Variants in SIL1 observed in about 807,000 individuals in gnomAD.
SIL1 encodes SIL1 nucleotide exchange factor.
In SIL1, 40 loss-of-function variants were observed where a neutral mutation model predicts 49.1. The ratio of observed to expected loss-of-function variants is 0.81; its 90% CI spans 0.63 to 1.06. The LOEUF (loss-of-function observed/expected upper bound fraction) is 1.06, where lower values mean the gene tolerates loss of function less well. Among genes scored for constraint, SIL1 ranks in the 50% least tolerant of loss-of-function variants. The probability of loss-of-function intolerance (pLI) is 0.00; values close to 1 mark genes in which losing one functional copy is unlikely to be tolerated. For missense variants in SIL1, 500 were observed against 572.6 expected (o/e 0.87, Z 1.29); for synonymous variants, 253 against 250.8 (o/e 1.01, Z -0.08).
chr5:139,115,935 G>A (rs1474255237), intron 3 of SIL1, among the ~76,000 whole-genome samples: 1 of 152,170 alleles, frequency 6.6e-6, no homozygotes, highest in Non-Finnish European at 1.5e-5. Flanking sequence ...TTTAACTTGA[G>A]GGATCTGAGA....
chr5:139,157,349 A>G (rs1751426051), intron 1 of SIL1, among the ~76,000 whole-genome samples: 1 of 152,002 alleles, frequency 6.6e-6, no homozygotes, highest in South Asian at 2.1e-4. Flanking sequence ...TCCCACAGAG[A>G]CATGTTTGGA....
At chr5:139,053,904 T>A (rs1390255067) in intron 3 of SIL1, among the ~76,000 whole-genome samples, 3 of 152,258 alleles carry the variant, frequency 2.0e-5, no homozygotes, top group African/African-American at 7.2e-5. Context: ...TTAGTTTTTT[T>A]ATTTATGTAG....
intron 2 of SIL1, 33 bp from the exon 3 acceptor site, chr5:139,121,206 G>A (rs1454687991): frequency 5.0e-6 from 8 of 1,613,578 alleles, no homozygotes; most frequent in Non-Finnish European, 6.8e-6. Context: ...ATGACCCACT[G>A]CAACTAGGCG....
At chr5:139,020,583 G>A (rs752146271) in intron 7 of SIL1, among the ~76,000 whole-genome samples, 6 of 152,194 alleles carry the variant, frequency 3.9e-5, no homozygotes, top group Non-Finnish European at 8.8e-5. Context: ...CTTTGCAGGT[G>A]GTGTAGAATG....
At chr5:138,949,798 C>CAAAAAAAAAAAAAAAAAAAAAAAAA (rs5871689) in intron 9 of SIL1, among the ~76,000 whole-genome samples, 1 of 83,364 alleles carries the variant, frequency 1.2e-5, no homozygotes, top group Non-Finnish European at 2.6e-5. Context: ...GACCCTGTCT[C>CAAAAAAAAAAAAAAAAAAAAAAAAA]AAAAAAAAAA....
intron 3 of SIL1, among the ~76,000 whole-genome samples, chr5:139,064,811 G>A (rs1402736836): frequency 1.3e-5 from 2 of 152,150 alleles, no homozygotes; most frequent in African/African-American, 4.8e-5. Flanking sequence ...CTGAGACCTT[G>A]AGCAAATAAC....
At chr5:139,179,766 C>G (rs749031494) in intron 1 of SIL1, among the ~76,000 whole-genome samples, 3 of 152,180 alleles carry the variant, frequency 2.0e-5, no homozygotes, top group Non-Finnish European at 2.9e-5. Flanking sequence ...GGTCAAGGGT[C>G]ACACCCACAG....
At chr5:139,033,362 G>A (rs976753964) in intron 5 of SIL1, among the ~76,000 whole-genome samples, 1 of 151,800 alleles carries the variant, frequency 6.6e-6, no homozygotes, top group East Asian at 2.0e-4. Context: ...CTGTTTTCAT[G>A]TTTTCAATTT....
At chr5:139,157,779 T>C (rs1751432420) in intron 1 of SIL1, among the ~76,000 whole-genome samples, 1 of 152,176 alleles carries the variant, frequency 6.6e-6, no homozygotes, top group Non-Finnish European at 1.5e-5. Context: ...TAGAACCAGT[T>C]TGGGGTTCCT....
intron 7 of SIL1, among the ~76,000 whole-genome samples, chr5:138,974,523 G>A (rs1268227748): frequency 6.6e-6 from 1 of 152,220 alleles, no homozygotes; most frequent in East Asian, 1.9e-4. Context: ...CAGCTGATTT[G>A]GGAAGCCAGC....
At chr5:139,165,977 G>A (rs749463478) in intron 1 of SIL1, among the ~76,000 whole-genome samples, 2 of 151,996 alleles carry the variant, frequency 1.3e-5, no homozygotes, top group Non-Finnish European at 1.5e-5. Context: ...TTTCTTAAAT[G>A]TATTTGATTG....
At chr5:139,042,995 C>G (rs945126743) in intron 4 of SIL1, among the ~76,000 whole-genome samples, 3 of 152,098 alleles carry the variant, frequency 2.0e-5, no homozygotes, top group Admixed American at 1.3e-4. Context: ...CAGACCCTGT[C>G]TCTAAAAATA....
At chr5:139,042,267 G>A (rs904549104) in intron 5 of SIL1, among the ~76,000 whole-genome samples, 3 of 152,210 alleles carry the variant, frequency 2.0e-5, no homozygotes, top group Non-Finnish European at 4.4e-5. Context: ...TAATCCAAGT[G>A]TAAGTGAGGC....
At chr5:139,060,870 A>G (rs1339658978) in intron 3 of SIL1, among the ~76,000 whole-genome samples, 2 of 152,138 alleles carry the variant, frequency 1.3e-5, no homozygotes, top group African/African-American at 4.8e-5. Context: ...TAGCCTAGGA[A>G]GCCTGAGGCC....
chr5:139,011,817 A>C (rs991268148), intron 7 of SIL1, among the ~76,000 whole-genome samples: 1 of 152,184 alleles, frequency 6.6e-6, no homozygotes, highest in Non-Finnish European at 1.5e-5. Flanking sequence ...TGCATCTACC[A>C]GTAACCCAGA....
intron 1 of SIL1, among the ~76,000 whole-genome samples, chr5:139,147,892 C>T (rs564683334): frequency 3.3e-5 from 5 of 152,194 alleles, no homozygotes; most frequent in East Asian, 1.9e-4. Flanking sequence ...CCTGGGGAGC[C>T]GTTCCCAGGC....
Position 139,121,176 on chromosome 5 carries a change from G to A in SIL1, c.106-3C>T, listed in dbSNP as rs1056446619. 1.2e-6 allele frequency: 2 copies of A among 1,613,856 alleles called. No individual in the cohort carries two copies. The highest frequency in any genetic ancestry group is 1.1e-5 in the South Asian group (1 of 91,076). ...GGGTTGGTCAGGGCAAACTCCTTCT[G>A]AGAAAAGAAAACACAGGGCATGACC... On this transcript the variant is annotated splice_polypyrimidine_tract_variant and splice_region_variant and intron_variant, in intron 2 of 9. Transcript: ENST00000394817.
chr5:138,989,171 T>C (rs1417327199), intron 7 of SIL1, among the ~76,000 whole-genome samples: 4 of 152,188 alleles, frequency 2.6e-5, no homozygotes, highest in African/African-American at 9.7e-5. Context: ...GAAGTTTAAG[T>C]AAGTCATCTC....
intron 7 of SIL1, among the ~76,000 whole-genome samples, chr5:138,994,621 A>G (rs1767824109): frequency 6.6e-6 from 1 of 152,218 alleles, no homozygotes; most frequent in Non-Finnish European, 1.5e-5. Context: ...ATGGAAGAGT[A>G]AAGCGCCAAA....
Sources: gnomAD v4.1 joint callset for allele counts (sites outside exome capture counted in the v4.1 genomes callset) on GRCh38, gnomAD v4.1.1 for gene constraint, MANE v1.5 for transcripts, NCBI Gene and HGNC (gene_info 2026-07-23, HGNC 2026-07-21) for gene names.